Variants in GRIN2B observed in about 807,000 individuals in gnomAD.
GRIN2B encodes glutamate ionotropic receptor NMDA type subunit 2B.
In GRIN2B, 5 loss-of-function variants were observed where a neutral mutation model predicts 114.5. The ratio of observed to expected loss-of-function variants is 0.04; its 90% CI spans 0.02 to 0.09. The LOEUF (loss-of-function observed/expected upper bound fraction) is 0.09, where lower values mean the gene tolerates loss of function less well. Among genes scored for constraint, GRIN2B ranks in the 10% least tolerant of loss-of-function variants. GRIN2B has a pLI of 1.00. For missense variants in GRIN2B, 1,108 were observed against 1,943.5 expected, an observed-to-expected ratio of 0.57 and a Z score of 8.08; for synonymous variants, 787 against 745.1, an observed-to-expected ratio of 1.06 and a Z score of -0.92.
rs531682149 is a variant in GRIN2B at position 13,914,698 on chromosome 12, A to C, written c.-18-48472T>G. Among the ~76,000 whole-genome samples the C allele has an allele frequency of 2.6e-5, 4 of 152,332 alleles. No homozygotes were observed. In the South Asian group the frequency reaches 8.3e-4, roughly 32 times the overall value. The stretch of plus-strand genomic sequence containing the variant: ...ATGCCCTTCAATGGATGAACAGATA[A>C]AGGAAATGTGGTATAATGTATACAA... On this transcript the variant is annotated intron_variant, in intron 2 of 13. Coordinates refer to ENST00000609686, the MANE Select transcript of GRIN2B (RefSeq NM_000834.5).
chr12:13,711,208 A>T (rs902844464), intron 4 of GRIN2B, among the ~76,000 whole-genome samples: 2 of 151,338 alleles, frequency 1.3e-5, no homozygotes, highest in African/African-American at 4.8e-5. Flanking sequence ...CCTTCCTTAT[A>T]CCTTATACAA....
intron 2 of GRIN2B, among the ~76,000 whole-genome samples, chr12:13,954,624 A>T (rs1443933794): frequency 6.6e-6 from 1 of 151,800 alleles, no homozygotes; most frequent in Admixed American, 6.6e-5. Flanking sequence ...AGCCTGGCCA[A>T]CATGGTGAAA....
rs191511358 is a variant in GRIN2B at position 13,872,737 on chromosome 12, T to C, written c.-18-6511A>G. 4.6e-3 allele frequency among the ~76,000 whole-genome samples: 694 copies of C among 152,288 alleles called. 1 individual carries two copies. Among genetic ancestry groups the C allele is most frequent in the South Asian group, 0.014 (67 of 4,824 alleles). On this transcript the variant is annotated intron_variant, in intron 2 of 13. Transcript: ENST00000609686. ...AACATCACTCTTTGATAATAGGAAA[T>C]CAAGAGATCGTCAGCCTTTACCTGG... is the stretch of plus-strand genomic sequence containing the variant.
chr12:13,702,438 C>T (rs1950321455), intron 4 of GRIN2B, among the ~76,000 whole-genome samples: 1 of 152,190 alleles, frequency 6.6e-6, no homozygotes, highest in Non-Finnish European at 1.5e-5. Flanking sequence ...CCTTATTATG[C>T]TCTTGACTTC....
At chr12:13,811,069 C>A (rs533593481) in intron 3 of GRIN2B, among the ~76,000 whole-genome samples, 1 of 152,374 alleles carries the variant, frequency 6.6e-6, no homozygotes, top group African/African-American at 2.4e-5. Context: ...TCATTAGCCA[C>A]TGCCATCTAT....
At chr12:13,665,930 T>C (rs1221054466) in intron 5 of GRIN2B, among the ~76,000 whole-genome samples, 1 of 152,208 alleles carries the variant, frequency 6.6e-6, no homozygotes, top group Non-Finnish European at 1.5e-5. Flanking sequence ...AAAGGGAATA[T>C]TCTGTTCCTT....
At chr12:13,651,505 G>A (rs1366976827) in intron 5 of GRIN2B, among the ~76,000 whole-genome samples, 1 of 152,030 alleles carries the variant, frequency 6.6e-6, no homozygotes, top group African/African-American at 2.4e-5. Flanking sequence ...AGCATAAAAT[G>A]GTGGCTCAAT....
At chr12:13,940,918 C>T (rs961356543) in intron 2 of GRIN2B, among the ~76,000 whole-genome samples, 3 of 152,084 alleles carry the variant, frequency 2.0e-5, no homozygotes, top group Non-Finnish European at 4.4e-5. Flanking sequence ...CTAGGGGACT[C>T]TCCACACACC....
intron 3 of GRIN2B, among the ~76,000 whole-genome samples, chr12:13,824,669 A>C (rs969978705): frequency 2.0e-5 from 3 of 152,012 alleles, no homozygotes; most frequent in African/African-American, 7.2e-5. Context: ...CCTGGCCAAC[A>C]TGGTGAAACC....
intron 2 of GRIN2B, among the ~76,000 whole-genome samples, chr12:13,971,452 TACAGTCAGAGAAGA>T (rs995347121): frequency 6.6e-6 from 1 of 152,128 alleles, no homozygotes; most frequent in Non-Finnish European, 1.5e-5. Flanking sequence ...TGATTAAAGT[TACAGTCAGAGAAGA>T]ACGACATCTT....
Position 13,558,960 on chromosome 12 carries a change from G to T in GRIN2B, c.*3823C>A, listed in dbSNP as rs983097435. On this transcript the variant is annotated 3_prime_UTR_variant, in exon 14 of 14. Transcript: ENST00000609686. ...TCACCAACCACTTCTGCAATGGAAGGGAATGATAGAGGGTACAAAGCGAGA... is the reference window on the plus strand; with the variant it reads ...TCACCAACCACTTCTGCAATGGAAGTGAATGATAGAGGGTACAAAGCGAGA... 2.0e-5 allele frequency: 3 copies of T among 152,190 alleles called. No homozygotes were observed. Among genetic ancestry groups the T allele is most frequent in the Non-Finnish European group, 4.4e-5 (3 of 68,054 alleles). The allele number at this position is 152,190 out of a possible 1,614,324, so 9.4% of individuals were successfully genotyped here. A position where few individuals can be genotyped will look rare whatever the true frequency, so the allele number is the denominator to read the frequency against.
intron 3 of GRIN2B, among the ~76,000 whole-genome samples, chr12:13,833,245 A>T (rs1865186141): frequency 6.6e-6 from 1 of 152,194 alleles, no homozygotes; most frequent in Non-Finnish European, 1.5e-5. Flanking sequence ...ATGCCTGATC[A>T]CTAAAACATC....
rs1175358505 is a variant in GRIN2B, at chr12:13,956,281, C to A, written c.-19+23647G>T. Among the ~76,000 whole-genome samples, 5 of 152,274 alleles carry A rather than the reference C, an allele frequency of 3.3e-5. No homozygotes were observed. The East Asian group carries it at 9.7e-4, about 29-fold the overall frequency. The stretch of plus-strand genomic sequence containing the variant: ...AAGGCCGTGAGAGATGAACCACGGA[C>A]GCCCAGGCACGCTGCGGAGGAAAAC... On this transcript the variant is annotated intron_variant, in intron 2 of 13. Coordinates refer to ENST00000609686, the MANE Select transcript of GRIN2B (RefSeq NM_000834.5).
intron 10 of GRIN2B, among the ~76,000 whole-genome samples, chr12:13,584,686 G>A (rs1371217502): frequency 6.6e-6 from 1 of 152,188 alleles, no homozygotes; most frequent in Non-Finnish European, 1.5e-5. Context: ...AATCCCGCAA[G>A]AGCCTGTCAG....
intron 4 of GRIN2B, among the ~76,000 whole-genome samples, chr12:13,690,099 A>G (rs935677596): frequency 1.3e-5 from 2 of 152,172 alleles, no homozygotes; most frequent in Non-Finnish European, 2.9e-5. Flanking sequence ...ACAACATACT[A>G]TTTAAAGGTA....
At position 13,580,981 on chromosome 12, in the gene GRIN2B, C is replaced by T. The variant is rs556774827; in HGVS notation, c.2011-9017G>A. Among the ~76,000 whole-genome samples, 5 of 152,216 alleles carry T rather than the reference C, an allele frequency of 3.3e-5. No homozygotes were observed. The South Asian group carries it at 1.0e-3, about 32-fold the overall frequency. On this transcript the variant is annotated intron_variant, in intron 10 of 13. Transcript: ENST00000609686. ...AATGCCTTTGAGATTCATCTCCAGG[C>T]CTTTGCATGTATCTGTAGGTCATTC...
chr12:13,684,672 A>G (rs1032394843), intron 4 of GRIN2B, among the ~76,000 whole-genome samples: 1 of 152,176 alleles, frequency 6.6e-6, no homozygotes, highest in Non-Finnish European at 1.5e-5. Context: ...CATGCTGTAT[A>G]TAAGTTAAAA....
intron 2 of GRIN2B, among the ~76,000 whole-genome samples, chr12:13,956,769 G>A (rs904292449): frequency 6.6e-5 from 10 of 152,172 alleles, no homozygotes; most frequent in Admixed American, 5.9e-4. Flanking sequence ...ACATTTTTAC[G>A]TGGATGAATA....
intron 3 of GRIN2B, among the ~76,000 whole-genome samples, chr12:13,856,895 G>C (rs186509708): frequency 3.8e-4 from 58 of 152,204 alleles, no homozygotes; most frequent in African/African-American, 1.4e-3. Context: ...AAATCCAAGT[G>C]CTTACTAGAC....
Sources: allele counts gnomAD v4.1 joint callset (sites outside exome capture counted in the v4.1 genomes callset), GRCh38; gene constraint gnomAD v4.1.1; transcripts MANE v1.5; gene names NCBI Gene and HGNC (gene_info 2026-07-23, HGNC 2026-07-21).